Variants in RNF150 observed in about 807,000 individuals in gnomAD.
RNF150 encodes ring finger protein 150.
A neutral mutation model predicts 39.3 loss-of-function variants in RNF150; 24 were observed. The observed-to-expected ratio is 0.61, with a 90% confidence interval of 0.44 to 0.86. The LOEUF is 0.86. RNF150 is among the 40% of genes least tolerant of loss of function. RNF150 has a pLI of 0.00. For synonymous variants in RNF150, 255 were observed against 227.3 expected, an observed-to-expected ratio of 1.12 and a Z score of -1.10; for missense variants, 502 against 587.8, an observed-to-expected ratio of 0.85 and a Z score of 1.51.
In RNF150 at chr4:141,126,759, T is replaced by C. The variant is rs146407231; in HGVS notation, c.484+5566A>G. On this transcript the variant is annotated intron_variant, in intron 1 of 6. Coordinates refer to ENST00000515673, the MANE Select transcript of RNF150 (RefSeq NM_020724.2). ...TACTAGAAGTATTCTAAGTTTTAAA[T>C]ACATAAAGAATAAATTTTAGAGCTG... 4.0e-3 allele frequency among the ~76,000 whole-genome samples: 609 copies of C among 152,316 alleles called. 4 individuals carry two copies. The highest frequency in any genetic ancestry group is 0.014 in the African/African-American group (591 of 41,568).
intron 6 of RNF150, among the ~76,000 whole-genome samples, chr4:140,878,498 C>T (rs1729254440): frequency 6.6e-6 from 1 of 152,056 alleles, no homozygotes; most frequent in Non-Finnish European, 1.5e-5. Context: ...TTCACATTTC[C>T]CTGATGATCG....
intron 6 of RNF150, among the ~76,000 whole-genome samples, chr4:140,874,492 A>G (rs530909594): frequency 1.1e-3 from 175 of 152,328 alleles, no homozygotes; most frequent in African/African-American, 4.1e-3. Flanking sequence ...GCCACATAGG[A>G]AAGTTTTTTA....
chr4:140,982,369 A>G (rs1483629814), intron 1 of RNF150, among the ~76,000 whole-genome samples: 1 of 152,154 alleles, frequency 6.6e-6, no homozygotes, highest in Non-Finnish European at 1.5e-5. Flanking sequence ...AATTGCATAT[A>G]TGGCATCCTT....
rs1417695227 is a variant in RNF150, at chr4:141,123,772, A to G, written c.484+8553T>C. Among the ~76,000 whole-genome samples, 5 of 152,062 alleles carry G rather than the reference A, an allele frequency of 3.3e-5. No individual in the cohort carries two copies. In the South Asian group the frequency reaches 1.0e-3, roughly 32 times the overall value. ...TATGTCCAAGTGTTCTCATTGTTCA[A>G]TTCCCACCTATGAGTGAGAACATGT... On this transcript the variant is annotated intron_variant, in intron 1 of 6. Coordinates refer to ENST00000515673, the MANE Select transcript of RNF150 (RefSeq NM_020724.2).
At chr4:141,149,000 G>T (rs539192119) in intron 1 of RNF150, among the ~76,000 whole-genome samples, 1 of 152,182 alleles carries the variant, frequency 6.6e-6, no homozygotes, top group Admixed American at 6.6e-5. Flanking sequence ...ATTGAGTGGG[G>T]AACAAAACTG....
chr4:140,871,538 A>G (rs1728937901), intron 6 of RNF150, among the ~76,000 whole-genome samples: 1 of 152,158 alleles, frequency 6.6e-6, no homozygotes, highest in Admixed American at 6.5e-5. Context: ...CCATCAATCA[A>G]CTCAGTTCAC....
rs1002480174 is a variant in RNF150, at chr4:141,132,407, G to T, written c.402C>A (p.Asn134Lys). 5.0e-6 allele frequency: 8 copies of T among 1,608,148 alleles called. No individual in the cohort carries two copies. In the African/African-American group the frequency reaches 9.3e-5, roughly 19 times the overall value. The change falls in exon 1 of 7, where the codon AAC (asparagine) becomes AAA (lysine). Residue 134 changes from asparagine (N) to lysine (K), a missense_variant. Physicochemically the swap from Asn to Lys is moderately conservative, Grantham distance 94. Coordinates refer to ENST00000515673, the MANE Select transcript of RNF150 (RefSeq NM_020724.2). This position sits in a 1 kb window ranked among gnomAD's most constrained non-coding sequence, Gnocchi z 4.9. Reference protein sequence around the residue: ...GNCTYRDKIRNAFLQNASAVV... With the variant: ...GNCTYRDKIRKAFLQNASAVV... ...CGGCTGAGGCGTTCTGCAGGAACGC[G>T]TTCCGGATCTTATCCCTGTACGTGC...
At chr4:140,989,822 A>G (rs1212357525) in intron 1 of RNF150, among the ~76,000 whole-genome samples, 2 of 152,130 alleles carry the variant, frequency 1.3e-5, no homozygotes, top group African/African-American at 4.8e-5. Flanking sequence ...AGATGATAGT[A>G]CTTGCAGCAA....
At chr4:140,957,887 C>T (rs1357216450) in intron 2 of RNF150, among the ~76,000 whole-genome samples, 1 of 124,736 alleles carries the variant, frequency 8.0e-6, no homozygotes, top group Non-Finnish European at 1.6e-5. Context: ...ACGTCACACT[C>T]TGGGGACTGT....
At chr4:141,096,224 TCTCA>T (rs1738776097) in intron 1 of RNF150, among the ~76,000 whole-genome samples, 2 of 125,040 alleles carry the variant, frequency 1.6e-5, no homozygotes, top group South Asian at 5.6e-4. Flanking sequence ...TTAGATGGAG[TCTCA>T]CTCTGTCACC....
chr4:140,968,225 A>G (rs1042805781), intron 1 of RNF150, among the ~76,000 whole-genome samples: 12 of 152,026 alleles, frequency 7.9e-5, no homozygotes, highest in Non-Finnish European at 1.8e-4. Flanking sequence ...TTACAGTTCT[A>G]TGTTGCATTC....
intron 1 of RNF150, among the ~76,000 whole-genome samples, chr4:141,091,333 A>G (rs1040205360): frequency 6.6e-6 from 1 of 152,222 alleles, no homozygotes; most frequent in African/African-American, 2.4e-5. Flanking sequence ...ACTCAAAAAT[A>G]GGTTTTATAA....
At chr4:141,121,400 T>G (rs1726597170) in intron 1 of RNF150, among the ~76,000 whole-genome samples, 1 of 152,314 alleles carries the variant, frequency 6.6e-6, no homozygotes, top group Non-Finnish European at 1.5e-5. Flanking sequence ...TACCCTATTC[T>G]GCCTCCCAAA....
chr4:140,980,832 T>C (rs1054575437), intron 1 of RNF150, among the ~76,000 whole-genome samples: 3 of 152,140 alleles, frequency 2.0e-5, no homozygotes, highest in Non-Finnish European at 4.4e-5. Flanking sequence ...GGCAGTTCGT[T>C]ATAGAGCATG....
intron 1 of RNF150, among the ~76,000 whole-genome samples, chr4:141,079,842 C>A (rs535509967): frequency 6.6e-6 from 1 of 152,200 alleles, no homozygotes; most frequent in African/African-American, 2.4e-5. Flanking sequence ...GGAGCCAGAA[C>A]GTCTGTGGGA....
intron 1 of RNF150, among the ~76,000 whole-genome samples, chr4:141,042,393 T>A (rs564472587): frequency 6.6e-6 from 1 of 152,128 alleles, no homozygotes; most frequent in African/African-American, 2.4e-5. Context: ...TATAATGGAA[T>A]AAACTATTCT....
chr4:140,906,824 G>C (rs1266971328), intron 6 of RNF150, among the ~76,000 whole-genome samples: 1 of 152,134 alleles, frequency 6.6e-6, no homozygotes, highest in Non-Finnish European at 1.5e-5. Flanking sequence ...GTTCCCTCTA[G>C]TCTGAGATGG....
At chr4:141,181,540 T>C (rs1727909285) in intron 1 of RNF150, among the ~76,000 whole-genome samples, 1 of 152,206 alleles carries the variant, frequency 6.6e-6, no homozygotes, top group African/African-American at 2.4e-5. Context: ...TGCTTTTTGT[T>C]TGCTTCTTTG....
chr4:141,125,424 T>C (rs996736447), intron 1 of RNF150, among the ~76,000 whole-genome samples: 3 of 152,180 alleles, frequency 2.0e-5, no homozygotes, highest in African/African-American at 4.8e-5. Context: ...AAATTTAGCA[T>C]CTGACAAATT....
Sources: allele counts gnomAD v4.1 joint callset (sites outside exome capture counted in the v4.1 genomes callset), GRCh38; gene constraint gnomAD v4.1.1; non-coding constraint Gnocchi (gnomAD v3.1); transcripts MANE v1.5; gene names NCBI Gene and HGNC (gene_info 2026-07-23, HGNC 2026-07-21).